CRYM: variants seen among roughly 807,000 people sequenced by gnomAD.
CRYM encodes the protein crystallin mu, also known as ketimine reductase mu-crystallin.
Under a neutral mutation model 32.9 loss-of-function variants are expected in CRYM, and 18 were observed. The ratio of observed to expected loss-of-function variants is 0.55; its 90% CI spans 0.38 to 0.81. The LOEUF is 0.81. CRYM is among the 30% of genes least tolerant of loss of function. The pLI is 0.00. For synonymous variants in CRYM, 153 were observed against 152.4 expected, an observed-to-expected ratio of 1.00 and a Z score of -0.03; for missense variants, 337 against 393.5, an observed-to-expected ratio of 0.86 and a Z score of 1.21.
At chr16:21,271,535 A>G (rs537405802) in intron 3 of CRYM, among the ~76,000 whole-genome samples, 8 of 152,362 alleles carry the variant, frequency 5.3e-5, no homozygotes, top group African/African-American at 1.7e-4. Flanking sequence ...TCCTGCAGCT[A>G]CCGAAGGAGA....
chr16:21,258,807 A>AGAT lies in CRYM; in HGVS notation c.916_918dup (p.Ile306dup). ...TATTTACCAGATGACCAGGAATCAT[A>AGAT]GATGAGTTTGGCTGCAACTGTGTCT... On this transcript the variant is annotated inframe_insertion, in exon 8 of 8. Coordinates refer to ENST00000572914, the MANE Select transcript of CRYM (RefSeq NM_001376256.1). The AGAT allele has an allele frequency of 6.2e-7, 1 of 1,614,168 alleles. No homozygotes were observed. The highest frequency in any genetic ancestry group is 1.3e-5 in the African/African-American group (1 of 75,070).
At chr16:21,273,502 A>C (rs1387876072) in intron 3 of CRYM, among the ~76,000 whole-genome samples, 1 of 152,176 alleles carries the variant, frequency 6.6e-6, no homozygotes, top group Non-Finnish European at 1.5e-5. Context: ...CTGGGTCTAC[A>C]AAAGTGTGGT....
intron 1 of CRYM, among the ~76,000 whole-genome samples, chr16:21,287,516 T>A (rs1416826392): frequency 2.6e-5 from 4 of 152,234 alleles, no homozygotes; most frequent in African/African-American, 9.6e-5. Context: ...GGATAGGTGC[T>A]GGTTGCCAGA....
chr16:21,299,997 C>T (rs2152866105), intron 1 of CRYM: 1 of 152,194 alleles, frequency 6.6e-6, no homozygotes, highest in South Asian at 2.1e-4. Context: ...GAAATCTTGC[C>T]CTTGTAACAT....
At chr16:21,299,153 C>G (rs998846338) in intron 1 of CRYM, among the ~76,000 whole-genome samples, 9 of 152,096 alleles carry the variant, frequency 5.9e-5, no homozygotes, top group African/African-American at 1.9e-4. Context: ...TGTTATTAAT[C>G]TTGTTCTTAT....
chr16:21,258,769 A>G lies in CRYM; in HGVS notation c.*12T>C, dbSNP rs776123039. On this transcript the variant is annotated 3_prime_UTR_variant, in exon 8 of 8. Transcript: ENST00000572914. ...TCCTCAAGCATCCATCTCAACATCAAGTTCCTTTGTTTTATTTACCAGATG... is the reference window on the plus strand; with the variant it reads ...TCCTCAAGCATCCATCTCAACATCAGGTTCCTTTGTTTTATTTACCAGATG... The G allele has an allele frequency of 2.5e-6, 4 of 1,611,822 alleles. No homozygotes were observed. The highest frequency in any genetic ancestry group is 1.7e-5 in the Admixed American group (1 of 60,020).
In CRYM at chr16:21,259,020, G is replaced by T. The variant is rs1342870346; in HGVS notation, c.881-175C>A. ...CTTCAATTGTCTGCAAAGGGGCAGA[G>T]AATATGATAGTAAGAAACACCCACC... On this transcript the variant is annotated intron_variant, in intron 7 of 7. Coordinates refer to ENST00000572914, the MANE Select transcript of CRYM (RefSeq NM_001376256.1). Among the ~76,000 whole-genome samples the T allele has an allele frequency of 5.9e-5, 9 of 152,132 alleles. No homozygotes were observed. In the South Asian group the frequency reaches 6.2e-4, roughly 11 times the overall value.
intron 1 of CRYM, among the ~76,000 whole-genome samples, chr16:21,290,145 T>G (rs1032263376): frequency 6.6e-6 from 1 of 152,134 alleles, no homozygotes; most frequent in Non-Finnish European, 1.5e-5. Context: ...GAGCCAGCAG[T>G]GGCAATGTCG....
chr16:21,296,401 A>G (rs1481655670), intron 1 of CRYM, among the ~76,000 whole-genome samples: 2 of 152,268 alleles, frequency 1.3e-5, no homozygotes, highest in East Asian at 3.8e-4. Context: ...TCAATTCAAA[A>G]CAATTATGAA....
upstream of CRYM, chr16:21,278,729 T>A (rs1304363181): frequency 5.9e-6 from 1 of 170,792 alleles, no homozygotes; most frequent in Non-Finnish European, 1.2e-5. Flanking sequence ...GCTTATTTAA[T>A]TTTTTTTTCC....
At chr16:21,296,088 C>T (rs1311144478) in intron 1 of CRYM, among the ~76,000 whole-genome samples, 1 of 152,140 alleles carries the variant, frequency 6.6e-6, no homozygotes, top group Non-Finnish European at 1.5e-5. Context: ...AGACCATTTT[C>T]CACCATGTCC....
At chr16:21,275,393 T>A in intron 3 of CRYM, 139 bp downstream of exon 3, 1 of 714,324 alleles carries the variant, frequency 1.4e-6, no homozygotes, top group Non-Finnish European at 2.5e-6. Context: ...ATTACTGATA[T>A]ATCTGACATC....
At chr16:21,290,212 T>A (rs1003904360) in intron 1 of CRYM, among the ~76,000 whole-genome samples, 4 of 152,218 alleles carry the variant, frequency 2.6e-5, no homozygotes, top group African/African-American at 7.2e-5. Flanking sequence ...TAAGTCTTGC[T>A]GCTGCTCACT....
Position 21,267,557 on chromosome 16 carries a change from T to C in CRYM, c.670A>G (p.Asn224Asp), listed in dbSNP as rs375817580. Residue 224 changes from asparagine (N) to aspartate (D), a missense_variant, in exon 5 of 8, where the codon AAT (asparagine) becomes GAT (aspartate). By Grantham distance (23) the Asn-to-Asp change is conservative (BLOSUM62 1). Coordinates refer to ENST00000572914, the MANE Select transcript of CRYM (RefSeq NM_001376256.1). ...GEWVKPGAHINAVGASRPDWR... is the reference protein window; with the variant it reads ...GEWVKPGAHIDAVGASRPDWR... ...CTTATGGAGCCACTCTACTTACCAT[T>C]GATGTGAGCCCCTGGCTTCACCCAT... is the stretch of plus-strand genomic sequence containing the variant. 2 of 1,613,490 alleles carry C rather than the reference T, an allele frequency of 1.2e-6. No individual in the cohort carries two copies. Among genetic ancestry groups the C allele is most frequent in the African/African-American group, 1.3e-5 (1 of 74,896 alleles).
rs2152861304 is a variant in CRYM at position 21,262,080 on chromosome 16, T to C, written c.752A>G (p.Gln251Arg). ...MKEAVLYVDS[Q>R]EAALKESGDV... ...TCCAGACTCCTTCAGGGCAGCCTCC[T>C]GGGAATCCACGTACAGCACAGCTTC... The change falls in exon 6 of 8, where the codon CAG becomes CGG. Residue 251 changes from glutamine to arginine, a missense_variant. Transcript: ENST00000572914. 1.9e-6 allele frequency: 3 copies of C among 1,614,122 alleles called. No homozygotes were observed. The highest frequency in any genetic ancestry group is 1.7e-6 in the Non-Finnish European group (2 of 1,179,994).
At chr16:21,283,600 AGCAACG>A (rs2152863999) in intron 1 of CRYM, 1 of 150,566 alleles carries the variant, frequency 6.6e-6, no homozygotes, top group East Asian at 2.0e-4. Context: ...GGCCAGGACA[AGCAACG>A]GATGAAGTAT....
At chr16:21,295,928 C>T (rs921431009) in intron 1 of CRYM, among the ~76,000 whole-genome samples, 7 of 150,222 alleles carry the variant, frequency 4.7e-5, no homozygotes, top group Admixed American at 4.0e-4. Context: ...ATCAAGACTC[C>T]GTCTAAAAAA....
At chr16:21,294,662 T>G (rs1466847071) in intron 1 of CRYM, among the ~76,000 whole-genome samples, 2 of 151,522 alleles carry the variant, frequency 1.3e-5, no homozygotes, top group African/African-American at 4.8e-5. Flanking sequence ...TTCATCCATG[T>G]CCCTGCAAAG....
At chr16:21,292,446 C>T (rs1350114146) in intron 1 of CRYM, among the ~76,000 whole-genome samples, 4 of 152,048 alleles carry the variant, frequency 2.6e-5, no homozygotes, top group Admixed American at 6.6e-5. Flanking sequence ...GAGAAATATA[C>T]CTTATTCATG....
Sources: allele counts gnomAD v4.1 joint callset (sites outside exome capture counted in the v4.1 genomes callset), GRCh38; gene constraint gnomAD v4.1.1; transcripts MANE v1.5; gene names NCBI Gene and HGNC (gene_info 2026-07-23, HGNC 2026-07-21).